DNAH12: variants seen among roughly 807,000 people sequenced by gnomAD.
DNAH12 encodes the protein axonemal beta dynein heavy chain 12.
A neutral mutation model predicts 371.5 loss-of-function variants in DNAH12; 285 were observed. That is an observed-to-expected ratio of 0.77 (90% CI 0.70 to 0.85). DNAH12 has a LOEUF of 0.85. Among genes scored for constraint, DNAH12 ranks in the 40% least tolerant of loss-of-function variants. The probability of loss-of-function intolerance (pLI) is 0.00; values close to 1 mark genes in which losing one functional copy is unlikely to be tolerated. For missense variants in DNAH12, 3,611 were observed against 3,689.4 expected (o/e 0.98, Z 0.55); for synonymous variants, 1,200 against 1,213.0 (o/e 0.99, Z 0.22).
chr3:57,363,962 A>T (rs1367222823), intron 57 of DNAH12, among the ~76,000 whole-genome samples, 176 bp from the exon 58 acceptor site: 2 of 152,188 alleles, frequency 1.3e-5, no homozygotes, highest in African/African-American at 4.8e-5. Context: ...GAAAAGCATT[A>T]ATTGTATACA....
chr3:57,442,315 AAAT>A (rs1451510792), intron 29 of DNAH12, among the ~76,000 whole-genome samples: 182 of 152,344 alleles, frequency 1.2e-3, no homozygotes, highest in African/African-American at 4.0e-3. Context: ...TTAAAGCAGA[AAAT>A]AATAACAATG....
chr3:57,426,090 C>T (rs577033805), intron 34 of DNAH12, among the ~76,000 whole-genome samples: 61 of 152,070 alleles, frequency 4.0e-4, no homozygotes, highest in African/African-American at 1.3e-3. Flanking sequence ...GTAAGTTTGC[C>T]AGGTGAACAA....
At chr3:57,553,828 C>CTT in the DNAH12 span, among the ~76,000 whole-genome samples, 1 of 142,234 alleles carries the variant, frequency 7.0e-6, no homozygotes. Flanking sequence ...GAAGATATTT[C>CTT]TTTTTTTTTT....
chr3:57,487,342 GGAGA>G (rs373234443), intron 12 of DNAH12, among the ~76,000 whole-genome samples: 3 of 101,724 alleles, frequency 2.9e-5, no homozygotes, highest in African/African-American at 4.0e-5. Flanking sequence ...AGGGAGGGAG[GGAGA>G]GAGAGAGAGA....
chr3:57,475,027 C>T (rs1013849098), intron 13 of DNAH12, among the ~76,000 whole-genome samples: 3 of 149,042 alleles, frequency 2.0e-5, no homozygotes, highest in Non-Finnish European at 4.5e-5. Flanking sequence ...CAGATCTACA[C>T]ATATACGGAC....
chr3:57,318,340 T>C (rs1238000776), intron 65 of DNAH12, among the ~76,000 whole-genome samples: 1 of 152,136 alleles, frequency 6.6e-6, no homozygotes, highest in Non-Finnish European at 1.5e-5. Context: ...TTATGTATAG[T>C]GTAAGATAGG....
intron 11 of DNAH12, among the ~76,000 whole-genome samples, chr3:57,494,197 A>T (rs1211224999): frequency 6.6e-6 from 1 of 152,072 alleles, no homozygotes; most frequent in Non-Finnish European, 1.5e-5. Context: ...CTACCATTGC[A>T]CTCCAGTCTG....
At chr3:57,315,088 T>C (rs896715503) in intron 65 of DNAH12, among the ~76,000 whole-genome samples, 6 of 152,086 alleles carry the variant, frequency 3.9e-5, no homozygotes, top group Admixed American at 1.3e-4. Flanking sequence ...TTTGAAACCA[T>C]TGTTTATTTG....
chr3:57,299,783 T>C (rs2061308286), intron 70 of DNAH12, among the ~76,000 whole-genome samples: 1 of 91,374 alleles, frequency 1.1e-5, no homozygotes, highest in East Asian at 5.7e-4. Context: ...TCTCAGACTT[T>C]CCAGCCTCCA....
In DNAH12 at chr3:57,445,255, A is replaced by G. The variant is rs2065447582; in HGVS notation, c.4344T>C (p.Tyr1448=). 4 of 1,551,302 alleles carry G rather than the reference A, an allele frequency of 2.6e-6. No homozygotes were observed. The East Asian group carries it at 7.3e-5, about 28-fold the overall frequency. Reference sequence around the variant, plus strand: ...AAACGGCTTTTACTGCTCGCATTCCATAGTCGTAATGAAATTGCGATGAGA... The same window carrying G: ...AAACGGCTTTTACTGCTCGCATTCCGTAGTCGTAATGAAATTGCGATGAGA... ...EQLSSQFHYD[Y]GMRAVKAVLV... is the part of the protein sequence containing the mutation. The change falls in exon 28 of 74, where the codon TAT becomes TAC. Residue 1448 remains tyrosine (Y), a synonymous_variant. Coordinates refer to ENST00000495027, the MANE Select transcript of DNAH12 (RefSeq NM_001366028.2).
chr3:57,310,171 A>G (rs2061556638), intron 67 of DNAH12, among the ~76,000 whole-genome samples: 1 of 152,142 alleles, frequency 6.6e-6, no homozygotes, highest in South Asian at 2.1e-4. Flanking sequence ...AATAATCCTT[A>G]TCTTCCACTA....
At chr3:57,353,108 A>G (rs952322947) in intron 59 of DNAH12, among the ~76,000 whole-genome samples, 4 of 150,262 alleles carry the variant, frequency 2.7e-5, no homozygotes, top group Non-Finnish European at 4.4e-5. Context: ...AAATGCATAA[A>G]AAGTCAGAAA....
intron 60 of DNAH12, among the ~76,000 whole-genome samples, chr3:57,344,307 T>G (rs2062485367): frequency 8.1e-6 from 1 of 123,220 alleles, no homozygotes; most frequent in Non-Finnish European, 1.8e-5. Flanking sequence ...CTGGTGAGGA[T>G]GCAGAGAAAA....
chr3:57,450,021 G>GAGAA (rs2065703499), intron 25 of DNAH12, among the ~76,000 whole-genome samples: 2 of 152,234 alleles, frequency 1.3e-5, no homozygotes, highest in Non-Finnish European at 1.5e-5. Flanking sequence ...GCATAGGCAG[G>GAGAA]TGGATCACTT....
chr3:57,340,459 A>T (rs1253809654), intron 60 of DNAH12, among the ~76,000 whole-genome samples: 4 of 152,122 alleles, frequency 2.6e-5, no homozygotes, highest in Non-Finnish European at 5.9e-5. Flanking sequence ...AATCACAAAC[A>T]AAAGGAGACA....
rs867558345 is a variant in DNAH12, at chr3:57,445,352, G to C, written c.4247C>G (p.Ser1416Cys). 3.9e-6 allele frequency: 6 copies of C among 1,551,628 alleles called. No individual in the cohort carries two copies. The East Asian group carries it at 9.8e-5, about 25-fold the overall frequency. The part of the protein sequence containing the change: ...YALIAEISLY[S>C]YGFLNARPLS... ...AGGTCTTGCATTCAAAAATCCGTAA[G>C]AGTAGAGGGAGATTTCTGCTATAAG... The change falls in exon 28 of 74, where the codon TCT (serine) becomes TGT (cysteine). Residue 1416 changes from serine (S) to cysteine (C), a missense_variant. Physicochemically the swap from Ser to Cys is moderately radical, Grantham distance 112. Coordinates refer to ENST00000495027, the MANE Select transcript of DNAH12 (RefSeq NM_001366028.2).
intron 2 of DNAH12, among the ~76,000 whole-genome samples, chr3:57,527,897 C>A (rs1037577790): frequency 6.6e-6 from 1 of 152,116 alleles, no homozygotes; most frequent in African/African-American, 2.4e-5. Context: ...TCCCATTTGT[C>A]TATTTTTGCT....
chr3:57,537,912 T>C (rs531777953), intron 2 of DNAH12, among the ~76,000 whole-genome samples: 2 of 152,260 alleles, frequency 1.3e-5, no homozygotes, highest in South Asian at 4.1e-4. Flanking sequence ...CTCAATCTCC[T>C]GACCTCATGA....
At chr3:57,460,781 T>C (rs1055084072) in intron 19 of DNAH12, among the ~76,000 whole-genome samples, 3 of 152,210 alleles carry the variant, frequency 2.0e-5, no homozygotes, top group African/African-American at 7.2e-5. Context: ...CTGTCACTTA[T>C]TAGCTAGATG....
Sources: allele counts gnomAD v4.1 joint callset (sites outside exome capture counted in the v4.1 genomes callset), GRCh38; gene constraint gnomAD v4.1.1; transcripts MANE v1.5; gene names NCBI Gene and HGNC (gene_info 2026-07-23, HGNC 2026-07-21).